The following LHX3 variants were observed in gnomAD, a reference collection of about 807,000 sequenced individuals.
LHX3 encodes the protein LIM homeobox 3.
In LHX3, 21 loss-of-function variants were observed where a neutral mutation model predicts 32.4. The observed-to-expected ratio is 0.65, with a 90% CI of 0.46 to 0.93. LHX3 has a LOEUF of 0.93. LHX3 is among the 40% of genes least tolerant of loss of function. The pLI is 0.00. For synonymous variants in LHX3, 258 were observed against 246.8 expected (o/e 1.05, Z -0.43); for missense variants, 626 against 560.0 (o/e 1.12, Z -1.19).
chr9:136,200,808 A>C (rs1588626967), intron 1 of LHX3, 55 bp from the exon 2 acceptor site: 5 of 1,596,152 alleles, frequency 3.1e-6, no homozygotes, highest in East Asian at 2.2e-5. Flanking sequence ...CAGTGAAGCC[A>C]CCTTCCCACC....
chr9:136,200,838 C>A, intron 1 of LHX3, 85 bp from the exon 2 acceptor site: 1 of 1,485,482 alleles, frequency 6.7e-7, no homozygotes. Flanking sequence ...GCCAGTCTCC[C>A]CTCCGGCCCA....
At chr9:136,200,139 T>C in intron 2 of LHX3, 1 of 610,958 alleles carries the variant, frequency 1.6e-6, no homozygotes, top group African/African-American at 1.8e-5. Context: ...GGAAGGTGAA[T>C]CCGGAGGGAG....
intron 1 of LHX3, chr9:136,201,129 G>A (rs1588627137): frequency 1.1e-5 from 15 of 1,393,524 alleles, no homozygotes; most frequent in East Asian, 5.2e-5. Context: ...TCTGAAGCCC[G>A]GCAGGAAACA....
At chr9:136,204,882 G>C in intron 1 of LHX3, 52 bp downstream of exon 1, 2 of 1,471,872 alleles carry the variant, frequency 1.4e-6, no homozygotes, top group Non-Finnish European at 9.3e-7. Context: ...CCCCTTCCTC[G>C]CGCCTCTGCC....
Position 136,205,053 on chromosome 9 carries a change from A to G in LHX3, c.-41T>C. 2.0e-6 allele frequency: 3 copies of G among 1,514,566 alleles called. No homozygotes were observed. Among genetic ancestry groups the G allele is most frequent in the Middle Eastern group, 3.9e-4 (2 of 5,078 alleles). 93.8% of individuals were successfully genotyped at this position (1,514,566 alleles called of 1,614,324 possible). On this transcript the variant is annotated 5_prime_UTR_variant, in exon 1 of 6. Transcript: ENST00000371748. ...GAGTGGCGCGAGACGCGCTCCTCCT[A>G]GGTCAGCGTCCCCTGGAGGGTTCGG...
chr9:136,198,611 C>G (rs1831550581), intron 5 of LHX3, 41 bp downstream of exon 5: 3 of 1,530,978 alleles, frequency 2.0e-6, no homozygotes, highest in Admixed American at 2.0e-5. Context: ...CCCGCCGACG[C>G]GCGCTCGTCC....
At position 136,197,588 on chromosome 9, in the gene LHX3, G is replaced by T; in HGVS notation, c.931C>A (p.Pro311Thr). 6.5e-7 allele frequency: 1 copy of T among 1,540,500 alleles called. No individual in the cohort carries two copies. The highest frequency in any genetic ancestry group is 2.4e-5 in the East Asian group (1 of 41,006). Residue 311 changes from proline (P) to threonine (T), a missense_variant, in exon 6 of 6, where the codon CCC becomes ACC. Coordinates refer to ENST00000371748, the MANE Select transcript of LHX3 (RefSeq NM_178138.6). ...AGPEQYRELR[P>T]GSPYGVPPSP... Reference sequence around the variant, plus strand: ...GGGGGGACACCGTAGGGGCTGCCGGGACGCAGCTCTCGGTACTGCTCTGGG... The same window carrying T: ...GGGGGGACACCGTAGGGGCTGCCGGTACGCAGCTCTCGGTACTGCTCTGGG...
rs1464232767 is a variant in LHX3 at position 136,197,644 on chromosome 9, T to C, written c.875A>G (p.Asn292Ser). 9 of 1,592,410 alleles carry C rather than the reference T, an allele frequency of 5.7e-6. No individual in the cohort carries two copies. The highest frequency in any genetic ancestry group is 7.7e-6 in the Non-Finnish European group (9 of 1,171,350). Reference protein sequence around the residue: ...ALGRPSGALGNFSLEHGGLAG... With the variant: ...ALGRPSGALGSFSLEHGGLAG... ...CAGGCCTCCATGCTCCAGGGAGAAG[T>C]TGCCCAGGGCTCCCGAGGGCCGGCC... The change falls in exon 6 of 6, where the codon AAC becomes AGC. Residue 292 changes from asparagine to serine, a missense_variant. Physicochemically the swap from Asn to Ser is conservative, Grantham distance 46. Transcript: ENST00000371748.
In LHX3 at chr9:136,204,991, C is replaced by T. The variant is rs1006580218; in HGVS notation, c.22G>A (p.Glu8Lys). The T allele has an allele frequency of 2.5e-6, 4 of 1,590,942 alleles. No homozygotes were observed. Among genetic ancestry groups the T allele is most frequent in the Non-Finnish European group, 2.6e-6 (3 of 1,173,378 alleles). The change falls in exon 1 of 6, where the codon GAG becomes AAG. Residue 8 changes from glutamate to lysine, a missense_variant. Coordinates refer to ENST00000371748, the MANE Select transcript of LHX3 (RefSeq NM_178138.6). The part of the protein sequence containing the change: MLLETGL[E>K]RDRARPGAAA... ...GCCCCGGGCCTCGCTCGGTCGCGCT[C>T]GAGCCCCGTTTCCAGCAGCATCGCG... is the stretch of plus-strand genomic sequence containing the variant.
chr9:136,199,941 G>A, intron 2 of LHX3, 61 bp from the exon 3 acceptor site: 2 of 1,514,498 alleles, frequency 1.3e-6, no homozygotes, highest in Non-Finnish European at 1.8e-6. Flanking sequence ...GCCCCGAGCG[G>A]GTTGGAGAGA....
chr9:136,203,322 C>T (rs1831692350), intron 1 of LHX3: 2 of 206,776 alleles, frequency 9.7e-6, no homozygotes, highest in South Asian at 1.7e-4. Flanking sequence ...CCAGAGGCCG[C>T]CCCGCGTGCC....
rs1588626990 is a variant in LHX3 at position 136,200,830 on chromosome 9, C to T, written c.80-77G>A. On this transcript the variant is annotated intron_variant, in intron 1 of 5. Transcript: ENST00000371748. ...GCCACCTTCCCACCCCAACGCGAGC[C>T]AGTCTCCCCTCCGGCCCACAGGACT... is the stretch of plus-strand genomic sequence containing the variant. 2.6e-6 allele frequency: 4 copies of T among 1,549,402 alleles called. No homozygotes were observed. The East Asian group carries it at 9.0e-5, about 35-fold the overall frequency.
intron 2 of LHX3, 50 bp downstream of exon 2, chr9:136,200,532 G>T: frequency 6.3e-7 from 1 of 1,588,718 alleles, no homozygotes. Context: ...GGAGTCCCTG[G>T]GGCAGGCGTG....
At position 136,196,988 on chromosome 9, in the gene LHX3, T is replaced by C. The variant is rs1831505598; in HGVS notation, c.*337A>G. On this transcript the variant is annotated 3_prime_UTR_variant, in exon 6 of 6. Transcript: ENST00000371748. ...GAAAGCGTTTTTCCAGCCCTCGGGC[T>C]ATGCTGGGCTGGGCTGGGCCTCAGC... The C allele has an allele frequency of 1.2e-5, 5 of 405,726 alleles. No individual in the cohort carries two copies. In the South Asian group the frequency reaches 1.7e-4, roughly 14 times the overall value. 25.1% of individuals were successfully genotyped at this position (405,726 alleles called of 1,614,324 possible). A position where few individuals can be genotyped will look rare whatever the true frequency, so the allele number is the denominator to read the frequency against.
intron 5 of LHX3, 24 bp downstream of exon 5, chr9:136,198,628 G>T (rs763487686): frequency 6.9e-7 from 1 of 1,446,808 alleles, no homozygotes. Flanking sequence ...GTCCCCCCCC[G>T]AGCTCCGCGA....
intron 1 of LHX3, among the ~76,000 whole-genome samples, chr9:136,202,283 C>A (rs1831659844): frequency 6.6e-6 from 1 of 152,216 alleles, no homozygotes; most frequent in African/African-American, 2.4e-5. Context: ...CCCTCTCACT[C>A]CCCACTGGCT....
At position 136,198,707 on chromosome 9, in the gene LHX3, C is replaced by G. The variant is rs1484540110; in HGVS notation, c.720G>C (p.Ser240=). The stretch of plus-strand genomic sequence containing the variant: ...GCCCCTCCTGAACGCTGTCCTTGTC[C>G]GACTTGGAGCCGCCGCGGGAGCGCT... ...NMKRSRGGSK[S]DKDSVQEGQD... Residue 240 remains serine, a synonymous_variant, in exon 5 of 6, where the codon TCG becomes TCC. Transcript: ENST00000371748. 6.2e-7 allele frequency: 1 copy of G among 1,611,276 alleles called. No homozygotes were observed. The highest frequency in any genetic ancestry group is 1.1e-5 in the South Asian group (1 of 91,008).
In LHX3 at chr9:136,197,591, G is replaced by A. The variant is rs548961945; in HGVS notation, c.928C>T (p.Arg310Cys). 2 of 1,541,170 alleles carry A rather than the reference G, an allele frequency of 1.3e-6. No individual in the cohort carries two copies. The highest frequency in any genetic ancestry group is 2.4e-5 in the East Asian group (1 of 41,046). ...LAGPEQYREL[R>C]PGSPYGVPPS... ...GGGACACCGTAGGGGCTGCCGGGAC[G>A]CAGCTCTCGGTACTGCTCTGGGCCT... The change falls in exon 6 of 6, where the codon CGT becomes TGT. Residue 310 changes from arginine (R) to cysteine (C), a missense_variant. Transcript: ENST00000371748.
chr9:136,202,676 G>A (rs556822512), intron 1 of LHX3, among the ~76,000 whole-genome samples: 2 of 152,206 alleles, frequency 1.3e-5, no homozygotes, highest in South Asian at 2.1e-4. Flanking sequence ...AGCTGGCTCC[G>A]GGCTGCAGAG....
Sources: gnomAD v4.1 joint callset for allele counts (sites outside exome capture counted in the v4.1 genomes callset) on GRCh38, gnomAD v4.1.1 for gene constraint, MANE v1.5 for transcripts, NCBI Gene and HGNC (gene_info 2026-07-23, HGNC 2026-07-21) for gene names.